The following PTN variants were observed in gnomAD, a reference collection of about 807,000 sequenced individuals.
PTN encodes heparin affin regulatory protein.
PTN carries 18 observed loss-of-function variants against 24.1 expected under a neutral mutation model. The observed-to-expected ratio is 0.75, with a 90% CI of 0.52 to 1.11. The LOEUF is 1.11. Among genes scored for constraint, PTN ranks in the 50% least tolerant of loss-of-function variants. The probability of loss-of-function intolerance (pLI) is 0.00; values close to 1 mark genes in which losing one functional copy is unlikely to be tolerated. For synonymous variants in PTN, 78 were observed against 68.6 expected, an observed-to-expected ratio of 1.14 and a Z score of -0.67; for missense variants, 163 against 198.8, an observed-to-expected ratio of 0.82 and a Z score of 1.08.
intron 4 of PTN, among the ~76,000 whole-genome samples, chr7:137,241,543 A>C (rs895584243): frequency 6.6e-6 from 1 of 152,150 alleles, no homozygotes; most frequent in Non-Finnish European, 1.5e-5. Context: ...AAAATACTGC[A>C]TATTTACCAA....
intron 1 of PTN, among the ~76,000 whole-genome samples, chr7:137,315,885 C>T (rs1165582549): frequency 6.6e-6 from 1 of 152,062 alleles, no homozygotes; most frequent in Non-Finnish European, 1.5e-5. Context: ...TCTGCCTCTG[C>T]CACTGGGTTT....
chr7:137,329,811 A>T (rs549085938), intron 1 of PTN, among the ~76,000 whole-genome samples: 4 of 152,294 alleles, frequency 2.6e-5, no homozygotes, highest in Middle Eastern at 3.4e-3. Flanking sequence ...TCCATACTCA[A>T]TGCATATTCA....
chr7:137,287,939 GA>G (rs1252536197), intron 1 of PTN, among the ~76,000 whole-genome samples: 1 of 152,092 alleles, frequency 6.6e-6, no homozygotes, highest in Non-Finnish European at 1.5e-5. Context: ...AGTTCCCCTA[GA>G]AAACCAACCA....
chr7:137,287,822 A>G (rs891644312), intron 1 of PTN: 1 of 152,304 alleles, frequency 6.6e-6, no homozygotes, highest in African/African-American at 2.4e-5. Flanking sequence ...TGTCTATAGT[A>G]CAGTTCATTC....
intron 4 of PTN, among the ~76,000 whole-genome samples, chr7:137,241,351 T>C (rs1192769100): frequency 1.3e-5 from 2 of 152,204 alleles, no homozygotes; most frequent in Non-Finnish European, 2.9e-5. Context: ...GTTTTGTGAA[T>C]ATTAAATGAC....
At chr7:137,279,717 T>A (rs1809434484) in intron 1 of PTN, among the ~76,000 whole-genome samples, 1 of 152,226 alleles carries the variant, frequency 6.6e-6, no homozygotes. Flanking sequence ...TTAGTGACGC[T>A]ATATTTTAAG....
rs76935602 is a variant in PTN at position 137,259,304 on chromosome 7, G to T, written c.-1-4330C>A. On this transcript the variant is annotated intron_variant, in intron 1 of 4. Transcript: ENST00000348225. The stretch of plus-strand genomic sequence containing the variant: ...AATATCTAAAGTAAATACAGGGAAA[G>T]GATGCTGGAAACTGTACTTTAGCGA... Among the ~76,000 whole-genome samples the T allele has an allele frequency of 8.5e-4, 130 of 152,196 alleles. 3 individuals are homozygous for T. The East Asian group carries it at 0.022, about 26-fold the overall frequency.
chr7:137,263,744 T>C (rs1809084678), intron 1 of PTN, among the ~76,000 whole-genome samples: 1 of 152,098 alleles, frequency 6.6e-6, no homozygotes, highest in African/African-American at 2.4e-5. Flanking sequence ...TTATGGGTAG[T>C]AGGAAGAAAG....
chr7:137,231,613 A>G (rs1808427961), intron 4 of PTN, among the ~76,000 whole-genome samples: 1 of 151,988 alleles, frequency 6.6e-6, no homozygotes, highest in Non-Finnish European at 1.5e-5. Flanking sequence ...TGCCTGAGAT[A>G]TAACAAGCAT....
chr7:137,317,799 T>C (rs1481637982), intron 1 of PTN, among the ~76,000 whole-genome samples: 1 of 152,078 alleles, frequency 6.6e-6, no homozygotes, highest in Non-Finnish European at 1.5e-5. Context: ...TCTCAAATAT[T>C]ATAGTTTATA....
At chr7:137,335,817 TA>T (rs1053314833) in intron 1 of PTN, among the ~76,000 whole-genome samples, 2 of 152,104 alleles carry the variant, frequency 1.3e-5, no homozygotes, top group Non-Finnish European at 2.9e-5. Flanking sequence ...AATAACCAAT[TA>T]AAAAATGTGA....
intron 2 of PTN, among the ~76,000 whole-genome samples, chr7:137,254,238 A>G (rs1808877801): frequency 6.6e-6 from 1 of 151,698 alleles, no homozygotes; most frequent in Admixed American, 6.6e-5. Flanking sequence ...CAGAGGATAC[A>G]GTGAGTTGAG....
intron 1 of PTN, among the ~76,000 whole-genome samples, chr7:137,342,490 T>A (rs185787329): frequency 3.0e-4 from 45 of 151,778 alleles, no homozygotes; most frequent in African/African-American, 1.1e-3. Context: ...AAGGGTGAGT[T>A]AACACTAGAG....
intron 1 of PTN, among the ~76,000 whole-genome samples, chr7:137,286,062 T>C (rs1352175867): frequency 6.6e-6 from 1 of 152,124 alleles, no homozygotes; most frequent in Admixed American, 6.5e-5. Context: ...AAAGAAAACA[T>C]GGGGAAATTA....
chr7:137,301,444 T>C (rs1247100114), intron 1 of PTN, among the ~76,000 whole-genome samples: 1 of 151,842 alleles, frequency 6.6e-6, no homozygotes, highest in Non-Finnish European at 1.5e-5. Context: ...CATGTAAAGA[T>C]TGGACTAGAT....
rs1360385515 is a variant in PTN, at chr7:137,343,633, G to T, written c.-196C>A. ...ACTTTGGATTTTCCTCTGCTCTGGG[G>T]CTCTCTTGGCGGGATTTTTGGACTG... On this transcript the variant is annotated 5_prime_UTR_variant, in exon 1 of 5. Coordinates refer to ENST00000348225, the MANE Select transcript of PTN (RefSeq NM_002825.7). 1 of 518,792 alleles carries T rather than the reference G, an allele frequency of 1.9e-6. No homozygotes were observed. The highest frequency in any genetic ancestry group is 3.8e-6 in the Non-Finnish European group (1 of 259,820). 32.1% of individuals were successfully genotyped at this position (518,792 alleles called of 1,614,324 possible). A position where few individuals can be genotyped will look rare whatever the true frequency, so the allele number is the denominator to read the frequency against.
chr7:137,246,812 T>G (rs1808731519), intron 4 of PTN, among the ~76,000 whole-genome samples: 1 of 152,216 alleles, frequency 6.6e-6, no homozygotes, highest in South Asian at 2.1e-4. Context: ...CATCGTGCAG[T>G]TGAAAAGGCA....
At chr7:137,241,574 T>C (rs769116628) in intron 4 of PTN, among the ~76,000 whole-genome samples, 2 of 152,168 alleles carry the variant, frequency 1.3e-5, no homozygotes, top group African/African-American at 2.4e-5. Context: ...TTACAGTGCT[T>C]CATTTTGTCT....
rs1326328482 is a variant in PTN at position 137,343,628 on chromosome 7, C to T, written c.-191G>A. The T allele has an allele frequency of 3.9e-6, 2 of 518,876 alleles. No individual in the cohort carries two copies. Among genetic ancestry groups the T allele is most frequent in the South Asian group, 1.4e-5 (1 of 71,580 alleles). The allele number at this position is 518,876 out of a possible 1,614,324, so 32.1% of individuals were successfully genotyped here. A position where few individuals can be genotyped will look rare whatever the true frequency, so the allele number is the denominator to read the frequency against. On this transcript the variant is annotated 5_prime_UTR_variant, in exon 1 of 5. Transcript: ENST00000348225. ...TCTCCACTTTGGATTTTCCTCTGCTCTGGGGCTCTCTTGGCGGGATTTTTG... is the reference window on the plus strand; with the variant it reads ...TCTCCACTTTGGATTTTCCTCTGCTTTGGGGCTCTCTTGGCGGGATTTTTG...
Sources: gnomAD v4.1 joint callset for allele counts (sites outside exome capture counted in the v4.1 genomes callset) on GRCh38, gnomAD v4.1.1 for gene constraint, MANE v1.5 for transcripts, NCBI Gene and HGNC (gene_info 2026-07-23, HGNC 2026-07-21) for gene names.